Variants in ME1 observed in about 807,000 individuals in gnomAD.
ME1 encodes the protein NADP-dependent malic enzyme.
ME1 carries 74 observed loss-of-function variants against 66.4 expected under a neutral mutation model. That is an observed-to-expected ratio of 1.11 (90% CI 0.92 to 1.35). The LOEUF (loss-of-function observed/expected upper bound fraction) is 1.35. ME1 is among the 40% of genes most tolerant of loss of function. The probability of loss-of-function intolerance (pLI) is 0.00; values close to 1 mark genes in which losing one functional copy is unlikely to be tolerated. For missense variants in ME1, 750 were observed against 694.1 expected (o/e 1.08, Z -0.90); for synonymous variants, 251 against 235.6 (o/e 1.07, Z -0.60).
intron 6 of ME1, among the ~76,000 whole-genome samples, chr6:83,314,933 C>A (rs1465351829): frequency 6.6e-6 from 1 of 152,054 alleles, no homozygotes; most frequent in Non-Finnish European, 1.5e-5. Flanking sequence ...ATACCAGCTA[C>A]AAAGATGACT....
At chr6:83,340,977 G>C (rs1020663948) in intron 5 of ME1, among the ~76,000 whole-genome samples, 1 of 151,944 alleles carries the variant, frequency 6.6e-6, no homozygotes, top group African/African-American at 2.4e-5. Context: ...TTGAATAAGG[G>C]CCTAATCCTT....
intron 3 of ME1, among the ~76,000 whole-genome samples, chr6:83,354,848 T>A (rs1268956683): frequency 6.6e-6 from 1 of 152,176 alleles, no homozygotes; most frequent in Non-Finnish European, 1.5e-5. Context: ...ATGTGCTGAC[T>A]TCAGTGCTGA....
intron 6 of ME1, among the ~76,000 whole-genome samples, chr6:83,284,827 A>G (rs1373098849): frequency 6.6e-6 from 1 of 152,190 alleles, no homozygotes; most frequent in Non-Finnish European, 1.5e-5. Flanking sequence ...CCTATCCAAC[A>G]TAGTACTGCA....
intron 7 of ME1, among the ~76,000 whole-genome samples, chr6:83,239,895 T>C (rs1790479488): frequency 6.6e-6 from 1 of 152,084 alleles, no homozygotes; most frequent in Non-Finnish European, 1.5e-5. Context: ...ACATAATCAA[T>C]GAAAGGATGG....
intron 6 of ME1, among the ~76,000 whole-genome samples, chr6:83,290,396 A>T (rs760951191): frequency 6.6e-6 from 1 of 152,164 alleles, no homozygotes; most frequent in East Asian, 1.9e-4. Flanking sequence ...CCCAGTAGTC[A>T]TTCAGGAGCA....
chr6:83,224,448 C>T (rs897915215), intron 11 of ME1, among the ~76,000 whole-genome samples: 2 of 151,702 alleles, frequency 1.3e-5, no homozygotes, highest in Non-Finnish European at 2.9e-5. Flanking sequence ...TTTGGGAGGC[C>T]GAGTGGGGCA....
chr6:83,317,371 G>A (rs1254633656), intron 5 of ME1, among the ~76,000 whole-genome samples: 9 of 151,622 alleles, frequency 5.9e-5, no homozygotes, highest in Non-Finnish European at 1.3e-4. Context: ...CCTTGAAGAG[G>A]TCCTTCACAT....
chr6:83,298,931 G>GTTTTTTT (rs61055748), intron 6 of ME1, among the ~76,000 whole-genome samples: 20 of 22,492 alleles, frequency 8.9e-4, no homozygotes, highest in East Asian at 1.4e-3. Flanking sequence ...CTATGTGTCT[G>GTTTTTTT]TTTTTTTTTT....
Position 83,275,519 on chromosome 6 carries a change from G to GC in ME1, c.705-21782dup, listed in dbSNP as rs1767162534. ...CTTGCTCTGTCGCCCAGGCTGGAGT[G>GC]CAGTGGCGCGATCTTGGCTCACTGC... On this transcript the variant is annotated intron_variant, in intron 6 of 13. Coordinates refer to ENST00000369705, the MANE Select transcript of ME1 (RefSeq NM_002395.6). 3.1e-5 allele frequency among the ~76,000 whole-genome samples: 4 copies of GC among 130,218 alleles called. No homozygotes were observed. The Admixed American group carries it at 3.2e-4, about 11-fold the overall frequency. 85.4% of individuals were successfully genotyped at this position (130,218 alleles called of 152,430 possible). A position where few individuals can be genotyped will look rare whatever the true frequency, so the allele number is the denominator to read the frequency against.
At chr6:83,403,341 C>A (rs1372468396) in intron 2 of ME1, among the ~76,000 whole-genome samples, 1 of 152,108 alleles carries the variant, frequency 6.6e-6, no homozygotes, top group Non-Finnish European at 1.5e-5. Context: ...AAATTGATTT[C>A]TCATAGTTTT....
chr6:83,241,899 G>A (rs1029453198), intron 7 of ME1, among the ~76,000 whole-genome samples: 1 of 152,012 alleles, frequency 6.6e-6, no homozygotes, highest in African/African-American at 2.4e-5. Flanking sequence ...GTCTTACTCT[G>A]TCACCCATGC....
chr6:83,409,686 T>C (rs1231873227), intron 1 of ME1, among the ~76,000 whole-genome samples: 3 of 152,202 alleles, frequency 2.0e-5, no homozygotes, highest in East Asian at 3.9e-4. Flanking sequence ...TAGAGCTCTC[T>C]GAGATAACTG....
At chr6:83,399,748 A>G (rs896471841) in intron 2 of ME1, among the ~76,000 whole-genome samples, 24 of 152,244 alleles carry the variant, frequency 1.6e-4, no homozygotes, top group Non-Finnish European at 1.8e-4. Context: ...GAATCTTGCA[A>G]AACTACTCAA....
chr6:83,414,111 GA>G lies in ME1; in HGVS notation c.79-6211del, dbSNP rs758493692. ...GGGTGACAGAGCAAGACCCCATCTTGAAAAAAAAAAAAAAAAAAAACTAAAA... is the reference window on the plus strand; with the variant it reads ...GGGTGACAGAGCAAGACCCCATCTTGAAAAAAAAAAAAAAAAAAACTAAAA... On this transcript the variant is annotated intron_variant, in intron 1 of 13. Transcript: ENST00000369705. Among the ~76,000 whole-genome samples the G allele has an allele frequency of 9.8e-3, 652 of 66,488 alleles. 2 individuals carry two copies. The highest frequency in any genetic ancestry group is 0.024 in the African/African-American group (465 of 19,626). The allele number at this position is 66,488 out of a possible 152,430, so 43.6% of individuals were successfully genotyped here. A position where few individuals can be genotyped will look rare whatever the true frequency, so the allele number is the denominator to read the frequency against.
chr6:83,343,489 T>C (rs1768628769), intron 5 of ME1, among the ~76,000 whole-genome samples: 1 of 152,186 alleles, frequency 6.6e-6, no homozygotes, highest in Admixed American at 6.5e-5. Context: ...TTCCTGAAAG[T>C]CGAATGGCAG....
intron 12 of ME1, among the ~76,000 whole-genome samples, chr6:83,220,694 C>T (rs762193884): frequency 3.3e-5 from 5 of 152,094 alleles, no homozygotes; most frequent in Non-Finnish European, 5.9e-5. Flanking sequence ...TTGGGGCCAT[C>T]TGGTAGTGAA....
At chr6:83,357,931 C>CTA (rs1562489403) in intron 3 of ME1, among the ~76,000 whole-genome samples, 48 of 51,742 alleles carry the variant, frequency 9.3e-4, no homozygotes, top group African/African-American at 1.6e-3. Flanking sequence ...CTCTCTCTCT[C>CTA]TCTCTATATA....
intron 5 of ME1, among the ~76,000 whole-genome samples, chr6:83,317,227 T>C (rs1262213299): frequency 6.6e-6 from 1 of 151,654 alleles, no homozygotes; most frequent in African/African-American, 2.4e-5. Flanking sequence ...AAGTGTGTGG[T>C]TTTAATAACT....
At chr6:83,322,535 C>A (rs1299391565) in intron 5 of ME1, among the ~76,000 whole-genome samples, 1 of 151,868 alleles carries the variant, frequency 6.6e-6, no homozygotes, top group Non-Finnish European at 1.5e-5. Context: ...CTGAATCAAT[C>A]AAGTAGAAGA....
Sources: allele counts gnomAD v4.1 joint callset (sites outside exome capture counted in the v4.1 genomes callset), GRCh38; gene constraint gnomAD v4.1.1; transcripts MANE v1.5; gene names NCBI Gene and HGNC (gene_info 2026-07-23, HGNC 2026-07-21).